Variants in MUC5B observed in about 807,000 individuals in gnomAD.
MUC5B encodes the protein mucin 5B, oligomeric mucus/gel-forming.
Under a neutral mutation model 376.9 loss-of-function variants are expected in MUC5B, and 116 were observed. The observed-to-expected ratio is 0.31, with a 90% CI of 0.26 to 0.36. The LOEUF is 0.36. Among genes scored for constraint, MUC5B ranks in the 10% least tolerant of loss-of-function variants. MUC5B has a pLI of 1.00. For synonymous variants in MUC5B, 3,517 were observed against 3,390.9 expected (o/e 1.04, Z -1.29); for missense variants, 7,165 against 7,769.9 (o/e 0.92, Z 2.93).
At chr11:1,261,315 C>A in intron 48 of MUC5B, 74 bp from the exon 49 acceptor site, 1 of 1,358,874 alleles carries the variant, frequency 7.4e-7, no homozygotes, top group South Asian at 1.3e-5. Flanking sequence ...CCCAGAGGCC[C>A]ATGTGTCACC....
Position 1,226,854 on chromosome 11 carries a change from T to C in MUC5B, c.439T>C (p.Ser147Pro), listed in dbSNP as rs1453575610. 5 of 1,606,868 alleles carry C rather than the reference T, an allele frequency of 3.1e-6. No individual in the cohort carries two copies. Among genetic ancestry groups the C allele is most frequent in the Non-Finnish European group, 2.5e-6 (3 of 1,179,466 alleles). ...QGLVLEASNG[S>P]VLINGQREEL... ...GCTGGTGCTGGAGGCGTCCAACGGCTCCGTCCTCATCAATGGGCAGCGGTG... is the reference window on the plus strand; with the variant it reads ...GCTGGTGCTGGAGGCGTCCAACGGCCCCGTCCTCATCAATGGGCAGCGGTG... Residue 147 changes from serine (S) to proline (P), a missense_variant, in exon 4 of 49, where the codon TCC (serine) becomes CCC (proline). Ser to Pro is a moderately conservative substitution (Grantham distance 74, BLOSUM62 -1). This residue lies in a region of MUC5B where 640 missense variants were observed against 733.0 expected (regional missense o/e 0.87). Coordinates refer to ENST00000529681, the MANE Select transcript of MUC5B (RefSeq NM_002458.3).
chr11:1,253,036 C>G lies in MUC5B; in HGVS notation c.15217+56C>G. On this transcript the variant is annotated intron_variant, in intron 33 of 48. Coordinates refer to ENST00000529681, the MANE Select transcript of MUC5B (RefSeq NM_002458.3). The surrounding 1 kb of genome is among the most constrained non-coding windows in gnomAD (Gnocchi z 4.3). Reference sequence around the variant, plus strand: ...CGGGGGCAGGTGGAGCAGAGTGCACCGTCGGCTAGGCTGGCAGAATGGGGC... The same window carrying G: ...CGGGGGCAGGTGGAGCAGAGTGCACGGTCGGCTAGGCTGGCAGAATGGGGC... 7.0e-7 allele frequency: 1 copy of G among 1,429,772 alleles called. No individual in the cohort carries two copies. Among genetic ancestry groups the G allele is most frequent in the Non-Finnish European group, 9.4e-7 (1 of 1,065,020 alleles). The allele number at this position is 1,429,772 out of a possible 1,614,324, so 88.6% of individuals were successfully genotyped here.
At chr11:1,256,863 T>C in intron 39 of MUC5B, 92 bp downstream of exon 39, 1 of 991,010 alleles carries the variant, frequency 1.0e-6, no homozygotes, top group Non-Finnish European at 1.4e-6. Context: ...TGATGTGCTC[T>C]CCCCTCTCCC....
Position 1,229,267 on chromosome 11 carries a change from C to G in MUC5B, c.1074C>G (p.His358Gln). Residue 358 changes from histidine (H) to glutamine (Q), a missense_variant, in exon 9 of 49, where the codon CAC (histidine) becomes CAG (glutamine). Coordinates refer to ENST00000529681, the MANE Select transcript of MUC5B (RefSeq NM_002458.3). ...AGCGCGCGCAGCTCTGCGAGGACCA[C>G]TGTGTGGACGGCTGCTTCTGCCCCC... The part of the protein sequence containing the change: ...NPQRAQLCED[H>Q]CVDGCFCPPG... 6.3e-7 allele frequency: 1 copy of G among 1,585,852 alleles called. No individual in the cohort carries two copies. The highest frequency in any genetic ancestry group is 2.3e-5 in the East Asian group (1 of 43,196).
At chr11:1,226,922 G>A in intron 4 of MUC5B, 46 bp downstream of exon 4, 3 of 1,566,166 alleles carry the variant, frequency 1.9e-6, no homozygotes, top group Non-Finnish European at 2.6e-6. Context: ...GCCACACAGT[G>A]TGACCTCCCC....
intron 17 of MUC5B, 33 bp downstream of exon 17, chr11:1,232,803 A>C: frequency 6.4e-7 from 1 of 1,564,702 alleles, no homozygotes; most frequent in Non-Finnish European, 8.7e-7. Context: ...GGATGTGTCC[A>C]CACCGCGTGG....
Position 1,243,789 on chromosome 11 carries a change from G to C in MUC5B, c.6909G>C (p.Ser2303=). 6.2e-7 allele frequency: 1 copy of C among 1,611,574 alleles called. No homozygotes were observed. Among genetic ancestry groups the C allele is most frequent in the East Asian group, 2.2e-5 (1 of 44,838 alleles). ...CCCTGCTGCCCAGCAGCCCCACATC[G>C]GCCCCCATAACCACGGTGGTGACCA... ...TSTLLPSSPT[S]APITTVVTMG... The change falls in exon 31 of 49, where the codon TCG becomes TCC. Residue 2303 remains serine (S), a synonymous_variant. Coordinates refer to ENST00000529681, the MANE Select transcript of MUC5B (RefSeq NM_002458.3).
intron 11 of MUC5B, among the ~76,000 whole-genome samples, 149 bp from the exon 12 acceptor site, chr11:1,230,326 GGAGCCCCCAGGCCCT>G (rs1861996137): frequency 1.3e-5 from 2 of 152,210 alleles, no homozygotes; most frequent in African/African-American, 4.8e-5. Flanking sequence ...ATGGGGCCAA[GGAGCCCCCAGGCCCT>G]GAGACAAGCT....
chr11:1,233,067 C>T lies in MUC5B; in HGVS notation c.2120C>T (p.Ala707Val). 1 of 1,605,934 alleles carries T rather than the reference C, an allele frequency of 6.2e-7. No homozygotes were observed. Among genetic ancestry groups the T allele is most frequent in the South Asian group, 1.1e-5 (1 of 90,536 alleles). ...KSQRYAYVVD[A>V]CQPTCRGLSE... ...CAGCGCTACGCCTACGTGGTGGATG[C>T]CTGCCAGCCCACTTGCCGCGGCCTG... The change falls in exon 18 of 49, where the codon GCC (alanine) becomes GTC (valine). Residue 707 changes from alanine (A) to valine (V), a missense_variant. Coordinates refer to ENST00000529681, the MANE Select transcript of MUC5B (RefSeq NM_002458.3).
chr11:1,259,634 G>T, intron 44 of MUC5B, 122 bp from the exon 45 acceptor site: 2 of 960,654 alleles, frequency 2.1e-6, no homozygotes, highest in East Asian at 2.5e-5. Flanking sequence ...TTCGGGTATA[G>T]GCCCAGGCAG....
intron 31 of MUC5B, 54 bp from the exon 32 acceptor site, chr11:1,252,289 T>C (rs1862724468): frequency 2.7e-6 from 4 of 1,495,656 alleles, no homozygotes. Flanking sequence ...CCCAGAACTC[T>C]GGCTTACCCA....
rs1241372270 is a variant in MUC5B at position 1,232,070 on chromosome 11, G to A, written c.1753G>A (p.Ala585Thr). Residue 585 changes from alanine to threonine, a missense_variant, in exon 15 of 49, where the codon GCA becomes ACA. Ala to Thr is a moderately conservative substitution (Grantham distance 58). This residue lies in a region of MUC5B where 18 missense variants were observed against 54.5 expected (regional missense o/e 0.33). Transcript: ENST00000529681. ...ALSGVVEATG[A>T]AFANTWKAQA... ...CAGCGGGGTGGTGGAGGCCACGGGC[G>A]CAGCCTTCGCCAACACCTGGAAGGC... 6.8e-6 allele frequency: 11 copies of A among 1,612,654 alleles called. No individual in the cohort carries two copies. Among genetic ancestry groups the A allele is most frequent in the Non-Finnish European group, 8.5e-6 (10 of 1,179,786 alleles).
rs1862295781 is a variant in MUC5B at position 1,241,938 on chromosome 11, A to G, written c.5058A>G (p.Pro1686=). ...CAGGCTCCACAGAACCCACTGTCCC[A>G]GGGGTGGCCACATCCACCCTTCCAA... ...TPAGSTEPTV[P]GVATSTLPTR... is the part of the protein sequence containing the mutation. The change falls in exon 31 of 49, where the codon CCA becomes CCG. Residue 1686 remains proline (P), a synonymous_variant. Coordinates refer to ENST00000529681, the MANE Select transcript of MUC5B (RefSeq NM_002458.3). 1 of 1,607,620 alleles carries G rather than the reference A, an allele frequency of 6.2e-7. No homozygotes were observed. Among genetic ancestry groups the G allele is most frequent in the Non-Finnish European group, 8.5e-7 (1 of 1,177,330 alleles).
At chr11:1,224,415 T>C (rs1329770756) in intron 1 of MUC5B, among the ~76,000 whole-genome samples, 2 of 145,616 alleles carry the variant, frequency 1.4e-5, no homozygotes, top group African/African-American at 5.1e-5. Flanking sequence ...AGGAGGGCAC[T>C]GCACGGAGCA....
At chr11:1,225,552 G>C (rs1861859982) in intron 1 of MUC5B, 129 bp from the exon 2 acceptor site, 1 of 791,158 alleles carries the variant, frequency 1.3e-6, no homozygotes, top group South Asian at 1.8e-5. Flanking sequence ...GAACCTGCAG[G>C]GCATGGAGAC....
At chr11:1,224,820 C>CTGTG (rs1861845758) in intron 1 of MUC5B, among the ~76,000 whole-genome samples, 1 of 152,174 alleles carries the variant, frequency 6.6e-6, no homozygotes, top group Non-Finnish European at 1.5e-5. Context: ...GTGCGAACCA[C>CTGTG]AGGGCCGGCC....
In MUC5B at chr11:1,245,929, G is replaced by A. The variant is rs558140387; in HGVS notation, c.9049G>A (p.Gly3017Arg). Residue 3017 changes from glycine to arginine, a missense_variant, in exon 31 of 49, where the codon GGA (glycine) becomes AGA (arginine). Physicochemically the swap from Gly to Arg is moderately radical, Grantham distance 125. Coordinates refer to ENST00000529681, the MANE Select transcript of MUC5B (RefSeq NM_002458.3). ...GSTAIPSSTPGTAPPPKVLTS... is the reference protein window; with the variant it reads ...GSTAIPSSTPRTAPPPKVLTS... ...CACGGCCATCCCGTCCTCCACCCCG[G>A]GAACAGCTCCCCCTCCCAAAGTGCT... 1 of 1,612,578 alleles carries A rather than the reference G, an allele frequency of 6.2e-7. No individual in the cohort carries two copies. Among genetic ancestry groups the A allele is most frequent in the East Asian group, 2.2e-5 (1 of 44,786 alleles).
chr11:1,249,652 A>G lies in MUC5B; in HGVS notation c.12772A>G (p.Thr4258Ala), dbSNP rs774306929. The change falls in exon 31 of 49, where the codon ACT becomes GCT. Residue 4258 changes from threonine to alanine, a missense_variant. By Grantham distance (58) the Thr-to-Ala change is moderately conservative. Transcript: ENST00000529681. ...WILTELTTTATTTASTGSTAT... is the reference protein window; with the variant it reads ...WILTELTTTAATTASTGSTAT... ...CCTCACAGAGCTGACCACAACAGCC[A>G]CTACGACTGCATCCACTGGATCCAC... 1 of 1,611,588 alleles carries G rather than the reference A, an allele frequency of 6.2e-7. No homozygotes were observed. The highest frequency in any genetic ancestry group is 1.7e-5 in the Admixed American group (1 of 59,964).
chr11:1,257,598 C>A lies in MUC5B; in HGVS notation c.16338C>A (p.Cys5446Ter). 6.2e-7 allele frequency: 1 copy of A among 1,605,604 alleles called. No individual in the cohort carries two copies. The highest frequency in any genetic ancestry group is 8.5e-7 in the Non-Finnish European group (1 of 1,179,622). Reference sequence around the variant, plus strand: ...ACGAGGGTTCAGTGTCGGTGCAGTGCAAGCCCCTGCCCTGTGACGCCCAGG... The same window carrying A: ...ACGAGGGTTCAGTGTCGGTGCAGTGAAAGCCCCTGCCCTGTGACGCCCAGG... ...VCDEGSVSVQ[C>*]KPLPCDAQGQ... The change falls in exon 41 of 49, where the codon TGC (cysteine) becomes TGA (stop). Residue 5446 changes from cysteine to a stop codon, truncating the protein, a stop_gained. Coordinates refer to ENST00000529681, the MANE Select transcript of MUC5B (RefSeq NM_002458.3). LOFTEE classifies it high-confidence loss of function. The surrounding 1 kb of genome is among the most constrained non-coding windows in gnomAD (Gnocchi z 8.9).
Sources: allele counts gnomAD v4.1 joint callset (sites outside exome capture counted in the v4.1 genomes callset), GRCh38; gene constraint gnomAD v4.1.1; regional missense constraint gnomAD v4.1.1; non-coding constraint Gnocchi (gnomAD v3.1); transcripts MANE v1.5; gene names NCBI Gene and HGNC (gene_info 2026-07-23, HGNC 2026-07-21).